GAS2: variants seen among roughly 807,000 people sequenced by gnomAD.
The protein encoded by GAS2 is growth arrest specific 2, also known as growth arrest-specific protein 2.
Under a neutral mutation model 37.5 loss-of-function variants are expected in GAS2, and 20 were observed. That is an observed-to-expected ratio of 0.53 (90% CI 0.37 to 0.77). The LOEUF (loss-of-function observed/expected upper bound fraction) is 0.77. GAS2 is among the 30% of genes least tolerant of loss of function. The pLI, the probability that GAS2 is intolerant of heterozygous loss-of-function variation, is 0.00. For synonymous variants in GAS2, 144 were observed against 132.2 expected (o/e 1.09, Z -0.61); for missense variants, 336 against 373.4 (o/e 0.90, Z 0.82).
intron 3 of GAS2, among the ~76,000 whole-genome samples, chr11:22,708,230 T>A (rs902479715): frequency 6.6e-6 from 1 of 152,190 alleles, no homozygotes; most frequent in African/African-American, 2.4e-5. Context: ...TTGATAGATG[T>A]ACTGAATAGC....
intron 5 of GAS2, among the ~76,000 whole-genome samples, chr11:22,744,455 C>T (rs912052850): frequency 6.6e-6 from 1 of 152,056 alleles, no homozygotes; most frequent in African/African-American, 2.4e-5. Context: ...TCCCCATGAT[C>T]CAGTAGGTTT....
intron 6 of GAS2, among the ~76,000 whole-genome samples, chr11:22,753,983 C>T (rs187376880): frequency 5.9e-5 from 9 of 152,072 alleles, no homozygotes; most frequent in Non-Finnish European, 7.4e-5. Context: ...TTATTATCAT[C>T]GTCCCATTCA....
intron 1 of GAS2, among the ~76,000 whole-genome samples, chr11:22,630,366 A>G (rs1399589557): frequency 6.6e-6 from 1 of 152,148 alleles, no homozygotes; most frequent in African/African-American, 2.4e-5. Context: ...GTCCCTACAA[A>G]TACCATTCAG....
intron 1 of GAS2, among the ~76,000 whole-genome samples, chr11:22,630,372 T>C (rs1402183461): frequency 6.6e-6 from 1 of 152,144 alleles, no homozygotes; most frequent in African/African-American, 2.4e-5. Flanking sequence ...ACAAATACCA[T>C]TCAGGACATA....
chr11:22,641,242 GTA>G lies in GAS2; in HGVS notation c.-21+15441_-21+15442del, dbSNP rs976218244. Among the ~76,000 whole-genome samples, 149 of 138,926 alleles carry G rather than the reference GTA, an allele frequency of 1.1e-3. 2 individuals are homozygous for G. The highest frequency in any genetic ancestry group is 3.7e-3 in the African/African-American group (140 of 38,148). The allele number at this position is 138,926 out of a possible 152,430, so 91.1% of individuals were successfully genotyped here. The stretch of plus-strand genomic sequence containing the variant: ...TATGTGTGTGTGTATATATATATGT[GTA>G]TATATATATATCTTTATATATATAT... On this transcript the variant is annotated intron_variant, in intron 1 of 5. Coordinates refer to the GAS2 transcript ENST00000528582.
At chr11:22,698,794 A>G (rs1308160395) in intron 3 of GAS2, among the ~76,000 whole-genome samples, 1 of 152,196 alleles carries the variant, frequency 6.6e-6, no homozygotes, top group Non-Finnish European at 1.5e-5. Context: ...GTGACCAAAC[A>G]GTATAAAACA....
chr11:22,702,547 C>T (rs758626100), intron 3 of GAS2: 3 of 152,012 alleles, frequency 2.0e-5, no homozygotes, highest in Non-Finnish European at 4.4e-5. Flanking sequence ...CTTTTTATGC[C>T]CTAATAAGCA....
At chr11:22,676,799 A>G (rs1849447926) in intron 2 of GAS2, among the ~76,000 whole-genome samples, 1 of 152,154 alleles carries the variant, frequency 6.6e-6, no homozygotes, top group African/African-American at 2.4e-5. Flanking sequence ...TGGAATAAGA[A>G]TGCTTTCAAT....
At chr11:22,745,963 T>G (rs1403020230) in intron 5 of GAS2, among the ~76,000 whole-genome samples, 1 of 152,032 alleles carries the variant, frequency 6.6e-6, no homozygotes, top group African/African-American at 2.4e-5. Context: ...GGACCCCAGT[T>G]TGAGACGAGC....
chr11:22,652,549 A>T (rs1848793307), intron 1 of GAS2, among the ~76,000 whole-genome samples: 1 of 152,112 alleles, frequency 6.6e-6, no homozygotes, highest in Non-Finnish European at 1.5e-5. Flanking sequence ...TTGATCTCAG[A>T]CTGCTGTACT....
intron 3 of GAS2, among the ~76,000 whole-genome samples, chr11:22,689,954 T>C (rs1324104278): frequency 1.3e-5 from 2 of 152,226 alleles, no homozygotes; most frequent in African/African-American, 4.8e-5. Flanking sequence ...AAACTGTGCA[T>C]AGGGAGATGT....
intron 7 of GAS2, among the ~76,000 whole-genome samples, chr11:22,771,535 A>G (rs886442509): frequency 5.9e-5 from 9 of 152,150 alleles, no homozygotes; most frequent in African/African-American, 2.2e-4. Flanking sequence ...GTTAGAGAGG[A>G]TGGAAATGGA....
chr11:22,699,708 G>A lies in GAS2; in HGVS notation c.267+13919G>A, dbSNP rs139275986. Among the ~76,000 whole-genome samples the A allele has an allele frequency of 2.2e-4, 34 of 152,250 alleles. No individual in the cohort carries two copies. The East Asian group carries it at 5.2e-3, about 23-fold the overall frequency. On this transcript the variant is annotated intron_variant, in intron 3 of 7. Transcript: ENST00000454584. ...TTAGTTTTCTCATTTGTAAAATGTA[G>A]TAATAATTGTAGCTACCTCATTTGG...
In GAS2 at chr11:22,789,437, T is replaced by TATATATATAA. The variant is rs1564889882; in HGVS notation, c.724-22352_724-22351insAATATATATA. Among the ~76,000 whole-genome samples the TATATATATAA allele has an allele frequency of 2.2e-4, 19 of 86,012 alleles. 5 individuals carry two copies. Among genetic ancestry groups the TATATATATAA allele is most frequent in the Non-Finnish European group, 4.0e-4 (17 of 42,640 alleles). 56.4% of individuals were successfully genotyped at this position (86,012 alleles called of 152,430 possible). ...GTATCTCATATGAGATATATATATA[T>TATATATATAA]ATATATATATATATATATTCTTTTT... is the stretch of plus-strand genomic sequence containing the variant. On this transcript the variant is annotated intron_variant, in intron 7 of 7. Transcript: ENST00000454584.
chr11:22,769,473 T>G (rs747451370), intron 7 of GAS2, among the ~76,000 whole-genome samples: 5 of 152,218 alleles, frequency 3.3e-5, no homozygotes, highest in Non-Finnish European at 5.9e-5. Flanking sequence ...TTTTCCCTCA[T>G]GTACAGCACT....
chr11:22,678,230 C>T (rs1849523399), intron 2 of GAS2, among the ~76,000 whole-genome samples: 1 of 151,958 alleles, frequency 6.6e-6, no homozygotes, highest in South Asian at 2.1e-4. Context: ...TAGAAAAATG[C>T]ATTGTGTGCT....
At chr11:22,805,829 T>C (rs2403753) in intron 7 of GAS2, among the ~76,000 whole-genome samples, 150,469 of 152,240 alleles carry the variant, frequency 0.99, 74,378 homozygotes, top group East Asian at 1. Flanking sequence ...TTCATGCCTC[T>C]CCCTTTTGGA....
intron 4 of GAS2, among the ~76,000 whole-genome samples, chr11:22,734,668 C>T (rs1852658325): frequency 6.6e-6 from 1 of 151,660 alleles, no homozygotes; most frequent in African/African-American, 2.4e-5. Context: ...CTAAGCATAA[C>T]AGTAAATATT....
At chr11:22,678,643 TC>T (rs910762296) in intron 2 of GAS2, among the ~76,000 whole-genome samples, 4 of 152,060 alleles carry the variant, frequency 2.6e-5, no homozygotes, top group Non-Finnish European at 5.9e-5. Flanking sequence ...GTAATTTTTT[TC>T]CTTTTATGTT....
Sources: gnomAD v4.1 joint callset for allele counts (sites outside exome capture counted in the v4.1 genomes callset) on GRCh38, gnomAD v4.1.1 for gene constraint, MANE v1.5 for transcripts, NCBI Gene and HGNC (gene_info 2026-07-23, HGNC 2026-07-21) for gene names.